Variants in PANK4 observed in about 807,000 individuals in gnomAD.
PANK4 encodes 4'-phosphopantetheine phosphatase.
A neutral mutation model predicts 87.9 loss-of-function variants in PANK4; 40 were observed. That is an observed-to-expected ratio of 0.46 (90% confidence interval 0.35 to 0.59). The LOEUF (loss-of-function observed/expected upper bound fraction) is 0.59. PANK4 is among the 20% of genes least tolerant of loss of function. The probability of loss-of-function intolerance (pLI) is 0.00; values close to 1 mark genes in which losing one functional copy is unlikely to be tolerated. For missense variants in PANK4, 926 were observed against 1,072.3 expected (o/e 0.86, Z 1.90); for synonymous variants, 524 against 467.4 (o/e 1.12, Z -1.56).
intron 9 of PANK4, among the ~76,000 whole-genome samples, chr1:2,516,756 G>A (rs1156695289): frequency 3.9e-5 from 6 of 152,234 alleles, no homozygotes; most frequent in African/African-American, 9.6e-5. Flanking sequence ...TGCAGAAGGC[G>A]GCAGGAGCCC....
chr1:2,508,859 G>A lies in PANK4; in HGVS notation c.2310C>T (p.Val770=). The A allele has an allele frequency of 2.5e-6, 4 of 1,592,832 alleles. No homozygotes were observed. The highest frequency in any genetic ancestry group is 3.4e-6 in the Non-Finnish European group (4 of 1,166,172). Residue 770 remains valine, a synonymous_variant, in exon 19 of 19, where the codon GTC becomes GTT. Transcript: ENST00000378466. The surrounding 1 kb of genome is among the most constrained non-coding windows in gnomAD (Gnocchi z 5.1). ...RLFSVIFKYE[V]PAE is the part of the protein sequence containing the mutation. ...CAGCTGCAGCGCCTCACTCGGCTGG[G>A]ACCTCGTACTTGAAGATGACGCTGA...
At position 2,520,439 on chromosome 1, in the gene PANK4, G is replaced by C. The variant is rs773246694; in HGVS notation, c.607-25C>G. 1 of 1,594,442 alleles carries C rather than the reference G, an allele frequency of 6.3e-7. No individual in the cohort carries two copies. Among genetic ancestry groups the C allele is most frequent in the South Asian group, 1.1e-5 (1 of 90,698 alleles). ...CCTGCAACAGAGCCAGGGCAGGTGT[G>C]CCCTCAGTGGGCCCTCAGCCACACA... On this transcript the variant is annotated intron_variant, in intron 4 of 18. Coordinates refer to ENST00000378466, the MANE Select transcript of PANK4 (RefSeq NM_018216.4). This position sits in a 1 kb window ranked among gnomAD's most constrained non-coding sequence, Gnocchi z 6.2.
chr1:2,510,291 G>C lies in PANK4; in HGVS notation c.1939-134C>G, dbSNP rs1020563411. 12 of 676,398 alleles carry C rather than the reference G, an allele frequency of 1.8e-5. No individual in the cohort carries two copies. The highest frequency in any genetic ancestry group is 3.2e-5 in the Non-Finnish European group (12 of 369,720). The allele number at this position is 676,398 out of a possible 1,614,324, so 41.9% of individuals were successfully genotyped here. On this transcript the variant is annotated intron_variant, in intron 16 of 18. Transcript: ENST00000378466. This position sits in a 1 kb window ranked among gnomAD's most constrained non-coding sequence, Gnocchi z 4.9. Reference sequence around the variant, plus strand: ...CGGGCCTGGCCAGCCACCTGCTGCTGAGGAGCAGGGACCTCGCCTGACCTT... The same window carrying C: ...CGGGCCTGGCCAGCCACCTGCTGCTCAGGAGCAGGGACCTCGCCTGACCTT...
chr1:2,521,375 G>T, intron 2 of PANK4, 60 bp from the exon 3 acceptor site: 2 of 1,301,008 alleles, frequency 1.5e-6, no homozygotes, highest in Non-Finnish European at 1.1e-6. Flanking sequence ...GCTGGGCTGT[G>T]CGCACCCTGC....
At position 2,510,349 on chromosome 1, in the gene PANK4, C is replaced by T. The variant is rs557632193; in HGVS notation, c.1939-192G>A. 6 of 611,948 alleles carry T rather than the reference C, an allele frequency of 9.8e-6. No homozygotes were observed. The highest frequency in any genetic ancestry group is 3.7e-5 in the African/African-American group (2 of 54,178). The allele number at this position is 611,948 out of a possible 1,614,324, so 37.9% of individuals were successfully genotyped here. On this transcript the variant is annotated intron_variant, in intron 16 of 18. Coordinates refer to ENST00000378466, the MANE Select transcript of PANK4 (RefSeq NM_018216.4). This position sits in a 1 kb window ranked among gnomAD's most constrained non-coding sequence, Gnocchi z 4.9. ...TGTGGCCCCTGGGAGGGAGCTGAGC[C>T]GAGGGGCAGAGCTGAGTTTAGAGCC...
At position 2,520,123 on chromosome 1, in the gene PANK4, C is replaced by T. The variant is rs560189416; in HGVS notation, c.700-169G>A. On this transcript the variant is annotated intron_variant, in intron 5 of 18. Transcript: ENST00000378466. The surrounding 1 kb of genome is among the most constrained non-coding windows in gnomAD (Gnocchi z 6.2). ...CAAGCGGGACCCTCGGGCCACCCAGCCAGGATAGAAGCTCTGGGTTGCTGG... is the reference window on the plus strand; with the variant it reads ...CAAGCGGGACCCTCGGGCCACCCAGTCAGGATAGAAGCTCTGGGTTGCTGG... 6.6e-6 allele frequency among the ~76,000 whole-genome samples: 1 copy of T among 152,282 alleles called. No homozygotes were observed. Among genetic ancestry groups the T allele is most frequent in the Admixed American group, 6.5e-5 (1 of 15,310 alleles).
At position 2,516,415 on chromosome 1, in the gene PANK4, G is replaced by A. The variant is rs567425651; in HGVS notation, c.1219-698C>T. ...CTGCTGGCTTTTTCTACCTTATGCC[G>A]GGAGGAAGTGAACTGAACTGAGCCG... On this transcript the variant is annotated intron_variant, in intron 9 of 18. Transcript: ENST00000378466. Among the ~76,000 whole-genome samples, 6 of 152,318 alleles carry A rather than the reference G, an allele frequency of 3.9e-5. No homozygotes were observed. The East Asian group carries it at 5.8e-4, about 15-fold the overall frequency.
intron 2 of PANK4, 52 bp from the exon 3 acceptor site, chr1:2,521,367 T>C (rs1352133175): frequency 7.8e-6 from 11 of 1,407,418 alleles, no homozygotes; most frequent in South Asian, 1.1e-5. Context: ...CGCGCCGGGC[T>C]GGGCTGTGCG....
rs1643764044 is a variant in PANK4, at chr1:2,515,954, C to A, written c.1219-237G>T. On this transcript the variant is annotated intron_variant, in intron 9 of 18. Transcript: ENST00000378466. The surrounding 1 kb of genome is among the most constrained non-coding windows in gnomAD (Gnocchi z 5.0). ...GGTTGCGTCTGCTCCCACCACACGCCTCCTGCCCCCAGCACCTCCCCGCTG... is the reference window on the plus strand; with the variant it reads ...GGTTGCGTCTGCTCCCACCACACGCATCCTGCCCCCAGCACCTCCCCGCTG... The A allele has an allele frequency of 1.7e-6, 1 of 576,664 alleles. No homozygotes were observed. The highest frequency in any genetic ancestry group is 3.1e-6 in the Non-Finnish European group (1 of 323,132). The allele number at this position is 576,664 out of a possible 1,614,324, so 35.7% of individuals were successfully genotyped here.
Position 2,520,388 on chromosome 1 carries a change from C to A in PANK4, c.633G>T (p.Trp211Cys). The change falls in exon 5 of 19, where the codon TGG becomes TGT. Residue 211 changes from tryptophan to cysteine, a missense_variant. Transcript: ENST00000378466. The surrounding 1 kb of genome is among the most constrained non-coding windows in gnomAD (Gnocchi z 6.2). ...CGCCTCCAATGGAGCTGCCGCCGAC[C>A]CACTCGAACCTGTCCTCCGTCTCCA... ...VKVETEDRFE[W>C]VGGSSIGGGT... 1.2e-6 allele frequency: 2 copies of A among 1,612,930 alleles called. No individual in the cohort carries two copies. The highest frequency in any genetic ancestry group is 1.7e-6 in the Non-Finnish European group (2 of 1,179,948).
chr1:2,509,484 C>A lies in PANK4; in HGVS notation c.2108+378G>T, dbSNP rs1021509629. On this transcript the variant is annotated intron_variant, in intron 18 of 18. Coordinates refer to ENST00000378466, the MANE Select transcript of PANK4 (RefSeq NM_018216.4). The surrounding 1 kb of genome is among the most constrained non-coding windows in gnomAD (Gnocchi z 4.9). ...TCAGGAGGACAGACAGCACCACATACAATTGACTAATGACCTCCAGAACCA... is the reference window on the plus strand; with the variant it reads ...TCAGGAGGACAGACAGCACCACATAAAATTGACTAATGACCTCCAGAACCA... Among the ~76,000 whole-genome samples, 1 of 152,182 alleles carries A rather than the reference C, an allele frequency of 6.6e-6. No homozygotes were observed. Among genetic ancestry groups the A allele is most frequent in the African/African-American group, 2.4e-5 (1 of 41,442 alleles).
At position 2,526,548 on chromosome 1, in the gene PANK4, C is replaced by T; in HGVS notation, c.40G>A (p.Asp14Asn). 6.2e-7 allele frequency: 1 copy of T among 1,602,868 alleles called. No individual in the cohort carries two copies. The highest frequency in any genetic ancestry group is 2.3e-5 in the East Asian group (1 of 43,316). The change falls in exon 1 of 19, where the codon GAC (aspartate) becomes AAC (asparagine). Residue 14 changes from aspartate (D) to asparagine (N), a missense_variant. Asp to Asn is a conservative substitution (Grantham distance 23). Coordinates refer to ENST00000378466, the MANE Select transcript of PANK4 (RefSeq NM_018216.4). ...AGCGTGATGCTCTTGTCCAGACTGT[C>T]CCCGCTGCTCCCGCTGCCGCTCGCT... ...CGASGSGSSG[D>N]SLDKSITLPP...
intron 10 of PANK4, among the ~76,000 whole-genome samples, chr1:2,514,754 C>G (rs557497912): frequency 2.0e-5 from 3 of 152,052 alleles, no homozygotes; most frequent in African/African-American, 7.2e-5. Flanking sequence ...AGGGCAGTTT[C>G]TACTGGAACA....
intron 2 of PANK4, 97 bp from the exon 3 acceptor site, chr1:2,521,412 G>A (rs547017151): frequency 1.9e-4 from 193 of 1,026,862 alleles, no homozygotes; most frequent in Middle Eastern, 1.6e-3. Flanking sequence ...GTTCGCGCCA[G>A]CCTTCAACCA....
intron 1 of PANK4, among the ~76,000 whole-genome samples, chr1:2,523,772 G>C (rs908653680): frequency 6.6e-6 from 1 of 152,238 alleles, no homozygotes; most frequent in Non-Finnish European, 1.5e-5. Flanking sequence ...AACCGCCTGC[G>C]GGCGGGGACC....
rs778300795 is a variant in PANK4, at chr1:2,519,360, T to C, written c.854-36A>G. The C allele has an allele frequency of 6.9e-7, 1 of 1,448,328 alleles. No homozygotes were observed. The highest frequency in any genetic ancestry group is 2.7e-5 in the East Asian group (1 of 36,546). 89.7% of individuals were successfully genotyped at this position (1,448,328 alleles called of 1,614,324 possible). A position where few individuals can be genotyped will look rare whatever the true frequency, so the allele number is the denominator to read the frequency against. The stretch of plus-strand genomic sequence containing the variant: ...GAAGGAAAAGGCACTCATCTCCAAG[T>C]ACAGCAAGTGCACGACATGAGAGCG... On this transcript the variant is annotated intron_variant, in intron 6 of 18. Coordinates refer to ENST00000378466, the MANE Select transcript of PANK4 (RefSeq NM_018216.4). The surrounding 1 kb of genome is among the most constrained non-coding windows in gnomAD (Gnocchi z 8.3).
chr1:2,526,386 G>A (rs1046287566), intron 1 of PANK4, 78 bp downstream of exon 1: 13 of 551,144 alleles, frequency 2.4e-5, no homozygotes, highest in East Asian at 1.5e-4. Context: ...CGTCCTTCCC[G>A]CCGCCCCCGC....
At chr1:2,526,437 C>T in intron 1 of PANK4, 27 bp downstream of exon 1, 2 of 1,304,268 alleles carry the variant, frequency 1.5e-6, no homozygotes, top group Non-Finnish European at 2.0e-6. Flanking sequence ...CCCCGCAGCC[C>T]GCGCCCGGCG....
chr1:2,522,688 G>A (rs1296465757), intron 1 of PANK4, among the ~76,000 whole-genome samples: 1 of 26,556 alleles, frequency 3.8e-5, no homozygotes, highest in African/African-American at 1.1e-4. Context: ...AGTGCATTGC[G>A]CGGTGCTACA....
Sources: allele counts gnomAD v4.1 joint callset (sites outside exome capture counted in the v4.1 genomes callset), GRCh38; gene constraint gnomAD v4.1.1; non-coding constraint Gnocchi (gnomAD v3.1); transcripts MANE v1.5; gene names NCBI Gene and HGNC (gene_info 2026-07-23, HGNC 2026-07-21).